The following MAGI1 variants were observed in gnomAD, a reference collection of about 807,000 sequenced individuals.
The protein encoded by MAGI1 is membrane-associated guanylate kinase, WW and PDZ domain-containing protein 1.
Under a neutral mutation model 139.9 loss-of-function variants are expected in MAGI1, and 58 were observed. That is an observed-to-expected ratio of 0.41 (90% CI 0.34 to 0.52). The LOEUF is 0.52. MAGI1 is among the 20% of genes least tolerant of loss of function. The pLI is 0.12. For missense variants in MAGI1, 1,874 were observed against 1,901.6 expected (o/e 0.99, Z 0.27); for synonymous variants, 812 against 737.9 (o/e 1.10, Z -1.63).
chr3:65,843,691 G>A (rs1028703712), intron 1 of MAGI1, among the ~76,000 whole-genome samples: 3 of 152,134 alleles, frequency 2.0e-5, no homozygotes, highest in Non-Finnish European at 4.4e-5. Flanking sequence ...AGGGAAATAA[G>A]TCATCACCAT....
At chr3:65,667,202 G>A (rs1290705132) in intron 1 of MAGI1, among the ~76,000 whole-genome samples, 1 of 152,176 alleles carries the variant, frequency 6.6e-6, no homozygotes, top group Non-Finnish European at 1.5e-5. Flanking sequence ...GGGGCAATGG[G>A]CTAGGCCTTC....
At chr3:65,384,215 T>C (rs967003230) in intron 14 of MAGI1, among the ~76,000 whole-genome samples, 4 of 152,240 alleles carry the variant, frequency 2.6e-5, no homozygotes, top group African/African-American at 7.2e-5. Context: ...AAAATTACTC[T>C]AAAACATCCT....
chr3:65,536,612 C>G (rs187903454), intron 2 of MAGI1, among the ~76,000 whole-genome samples: 5 of 152,306 alleles, frequency 3.3e-5, no homozygotes, highest in African/African-American at 1.2e-4. Flanking sequence ...CAGTTCCCAG[C>G]TCCTGAGGTG....
At chr3:65,943,639 T>TTGTG (rs537860233) in intron 1 of MAGI1, among the ~76,000 whole-genome samples, 90 of 150,464 alleles carry the variant, frequency 6.0e-4, no homozygotes, top group Middle Eastern at 6.9e-3. Context: ...GTGTGTGTGA[T>TTGTG]TGTGTGTGTG....
At chr3:65,926,200 CATT>C (rs1441076911) in intron 1 of MAGI1, among the ~76,000 whole-genome samples, 1 of 152,174 alleles carries the variant, frequency 6.6e-6, no homozygotes, top group Non-Finnish European at 1.5e-5. Context: ...AATTTTATTA[CATT>C]ATTGTGTGTT....
intron 1 of MAGI1, among the ~76,000 whole-genome samples, chr3:65,943,436 G>A (rs554237870): frequency 1.6e-4 from 25 of 152,164 alleles, no homozygotes; most frequent in South Asian, 1.2e-3. Flanking sequence ...TTAGCTGGGC[G>A]TGGTGGCAGG....
chr3:65,919,525 G>A (rs2062068120), intron 1 of MAGI1, among the ~76,000 whole-genome samples: 1 of 151,672 alleles, frequency 6.6e-6, no homozygotes, highest in Non-Finnish European at 1.5e-5. Context: ...TTGTGCCACT[G>A]TACTCTAGCC....
intron 1 of MAGI1, among the ~76,000 whole-genome samples, chr3:65,935,124 T>C (rs905752728): frequency 6.6e-6 from 1 of 152,156 alleles, no homozygotes; most frequent in Admixed American, 6.6e-5. Flanking sequence ...ATATCCTTAG[T>C]AAATGACATT....
intron 1 of MAGI1, among the ~76,000 whole-genome samples, chr3:65,859,830 T>C (rs889965211): frequency 6.6e-6 from 1 of 151,702 alleles, no homozygotes; most frequent in Non-Finnish European, 1.5e-5. Context: ...AATAAGTAGG[T>C]CCCCTCTGCT....
intron 1 of MAGI1, among the ~76,000 whole-genome samples, chr3:65,897,624 C>T (rs1454949670): frequency 6.6e-6 from 1 of 151,978 alleles, no homozygotes; most frequent in East Asian, 1.9e-4. Flanking sequence ...GCATGTTGTG[C>T]ACATGTACCC....
intron 2 of MAGI1, among the ~76,000 whole-genome samples, chr3:65,597,160 G>A (rs921451103): frequency 2.0e-5 from 3 of 151,862 alleles, no homozygotes; most frequent in Non-Finnish European, 4.4e-5. Context: ...GCACGGGGAC[G>A]TACTGATTTT....
At chr3:65,611,713 A>G (rs752875033) in intron 2 of MAGI1, among the ~76,000 whole-genome samples, 6 of 149,336 alleles carry the variant, frequency 4.0e-5, no homozygotes, top group East Asian at 2.0e-4. Context: ...AGTATATAGT[A>G]TATGTTTATA....
chr3:65,797,579 G>A (rs2040230297), intron 1 of MAGI1, among the ~76,000 whole-genome samples: 1 of 151,980 alleles, frequency 6.6e-6, no homozygotes, highest in African/African-American at 2.4e-5. Flanking sequence ...AGCCTGGTGT[G>A]GTGGCAAAGG....
chr3:65,725,179 TCATTCAATTGAAGTAGGACAGTACA>T (rs2107704958), intron 1 of MAGI1, among the ~76,000 whole-genome samples: 1 of 152,278 alleles, frequency 6.6e-6, no homozygotes, highest in South Asian at 2.1e-4. Flanking sequence ...TATAATTAAG[TCATTCAATTGAAGTAGGACAGTACA>T]ATGGTTAAGT....
chr3:65,580,752 G>C (rs1405095647), intron 2 of MAGI1, among the ~76,000 whole-genome samples: 1 of 152,186 alleles, frequency 6.6e-6, no homozygotes, highest in Non-Finnish European at 1.5e-5. Context: ...AGACTGACAA[G>C]TCGCTTCTAT....
At chr3:65,569,001 C>A (rs2080814854) in intron 2 of MAGI1, among the ~76,000 whole-genome samples, 1 of 152,196 alleles carries the variant, frequency 6.6e-6, no homozygotes, top group Non-Finnish European at 1.5e-5. Flanking sequence ...TTGGCTCACA[C>A]AGTACTTTAA....
intron 1 of MAGI1, chr3:66,003,890 G>A (rs1288105801): frequency 6.6e-6 from 1 of 152,192 alleles, no homozygotes. Context: ...AAAGAAATCT[G>A]TAACCAGTTG....
rs371851135 is a variant in MAGI1, at chr3:65,470,525, A to G, written c.758-41T>C. On this transcript the variant is annotated intron_variant, in intron 4 of 22. Coordinates refer to ENST00000402939, the MANE Select transcript of MAGI1 (RefSeq NM_001033057.2). ...AAGAGGTGAGAGAGAGAGAGAGAGA[A>G]AAAAAAAAAATGGTATTCAGCAATC... The G allele has an allele frequency of 1.9e-4, 243 of 1,270,930 alleles. No individual in the cohort carries two copies. The African/African-American group carries it at 2.3e-3, about 12-fold the overall frequency. The allele number at this position is 1,270,930 out of a possible 1,614,324, so 78.7% of individuals were successfully genotyped here. A position where few individuals can be genotyped will look rare whatever the true frequency, so the allele number is the denominator to read the frequency against.
At chr3:65,470,568 A>G in intron 4 of MAGI1, 84 bp from the exon 5 acceptor site, 1 of 818,620 alleles carries the variant, frequency 1.2e-6, no homozygotes, top group Non-Finnish European at 2.0e-6. Flanking sequence ...ATACCCGGGA[A>G]GTATGCAACT....
Sources: gnomAD v4.1 joint callset for allele counts (sites outside exome capture counted in the v4.1 genomes callset) on GRCh38, gnomAD v4.1.1 for gene constraint, MANE v1.5 for transcripts, NCBI Gene and HGNC (gene_info 2026-07-23, HGNC 2026-07-21) for gene names.